The following DNAH14 variants were observed in gnomAD, a reference collection of about 807,000 sequenced individuals.
The protein encoded by DNAH14 is dynein axonemal heavy chain 14, also known as axonemal beta dynein heavy chain 14.
In DNAH14, 478 loss-of-function variants were observed where a neutral mutation model predicts 520.9. The observed-to-expected ratio is 0.92, with a 90% CI of 0.85 to 0.99. DNAH14 has a LOEUF of 0.99. Among genes scored for constraint, DNAH14 ranks in the 50% least tolerant of loss-of-function variants. DNAH14 has a pLI of 0.00. For synonymous variants in DNAH14, 1,581 were observed against 1,757.2 expected (o/e 0.90, Z 2.51); for missense variants, 4,831 against 5,234.5 (o/e 0.92, Z 2.38).
At chr1:224,979,238 G>GA (rs1274600472) in intron 8 of DNAH14, among the ~76,000 whole-genome samples, 12 of 152,166 alleles carry the variant, frequency 7.9e-5, no homozygotes, top group Admixed American at 7.9e-4. Context: ...AAGAGGGAAG[G>GA]AAACAGTCTT....
At chr1:225,138,105 C>T (rs1423008052) in intron 27 of DNAH14, among the ~76,000 whole-genome samples, 1 of 152,132 alleles carries the variant, frequency 6.6e-6, no homozygotes, top group Non-Finnish European at 1.5e-5. Flanking sequence ...AGCTGCCCCT[C>T]CCCCTGGGAG....
At chr1:224,964,390 T>C (rs768852624) in intron 4 of DNAH14, 89 bp from the exon 5 acceptor site, 49 of 1,322,460 alleles carry the variant, frequency 3.7e-5, no homozygotes, top group Non-Finnish European at 4.7e-5. Context: ...AATTTTTCTC[T>C]ATATAGAAAT....
chr1:225,246,105 CAAAAAAAAAAAA>C (rs140007042), intron 43 of DNAH14, among the ~76,000 whole-genome samples: 1 of 77,728 alleles, frequency 1.3e-5, no homozygotes, highest in African/African-American at 4.8e-5. Flanking sequence ...ACAAACCTGG[CAAAAAAAAAAAA>C]AAAAAAAGGA....
In DNAH14 at chr1:224,952,739, A is replaced by G. The variant is rs752289528; in HGVS notation, c.37A>G (p.Asn13Asp). 1 of 1,604,376 alleles carries G rather than the reference A, an allele frequency of 6.2e-7. No individual in the cohort carries two copies. The highest frequency in any genetic ancestry group is 1.1e-5 in the South Asian group (1 of 89,172). ...TFIPIDLTTE[N>D]QEMDKEETKT... Reference sequence around the variant, plus strand: ...TATACCCATTGATTTGACAACTGAAAATCAAGAGATGGACAAGGAGGAAAC... The same window carrying G: ...TATACCCATTGATTTGACAACTGAAGATCAAGAGATGGACAAGGAGGAAAC... Residue 13 changes from asparagine to aspartate, a missense_variant, in exon 2 of 86, where the codon AAT (asparagine) becomes GAT (aspartate). By Grantham distance (23) the Asn-to-Asp change is conservative. Coordinates refer to ENST00000682510, the MANE Select transcript of DNAH14 (RefSeq NM_001367479.1).
intron 39 of DNAH14, among the ~76,000 whole-genome samples, chr1:225,205,088 A>G (rs184887374): frequency 6.6e-6 from 1 of 152,234 alleles, no homozygotes. Flanking sequence ...TGACCTATTC[A>G]TACCTCCCCT....
At chr1:225,334,379 T>C (rs986045398) in intron 66 of DNAH14, among the ~76,000 whole-genome samples, 4 of 152,132 alleles carry the variant, frequency 2.6e-5, no homozygotes, top group Non-Finnish European at 4.4e-5. Flanking sequence ...ATCCTAAGCC[T>C]AAGCCACTTG....
chr1:224,943,841 T>G (rs938613428), intron 1 of DNAH14, among the ~76,000 whole-genome samples: 1 of 152,224 alleles, frequency 6.6e-6, no homozygotes, highest in Non-Finnish European at 1.5e-5. Context: ...CTAGTTTGAT[T>G]GCACTGTGGT....
intron 21 of DNAH14, among the ~76,000 whole-genome samples, chr1:225,089,442 CAAA>C (rs1169182387): frequency 3.2e-3 from 95 of 29,906 alleles, no homozygotes; most frequent in African/African-American, 0.011. Flanking sequence ...AAAACTCCGT[CAAA>C]AAAAAAAAAA....
At chr1:225,283,382 A>G (rs1226412697) in intron 54 of DNAH14, among the ~76,000 whole-genome samples, 1 of 151,932 alleles carries the variant, frequency 6.6e-6, no homozygotes, top group African/African-American at 2.4e-5. Context: ...TGGAGTGGGT[A>G]TACTAATATC....
chr1:225,193,822 T>A (rs149113120), intron 38 of DNAH14, among the ~76,000 whole-genome samples: 1 of 152,048 alleles, frequency 6.6e-6, no homozygotes, highest in Non-Finnish European at 1.5e-5. Flanking sequence ...GCCCAAAACC[T>A]CCAAATCTCG....
chr1:225,332,259 G>C (rs547547138), intron 65 of DNAH14, among the ~76,000 whole-genome samples: 2 of 152,196 alleles, frequency 1.3e-5, no homozygotes, highest in Admixed American at 1.3e-4. Context: ...TATCATAGAA[G>C]GTCAAGAGGA....
chr1:225,291,604 C>A (rs954651864), intron 55 of DNAH14, among the ~76,000 whole-genome samples: 1 of 151,986 alleles, frequency 6.6e-6, no homozygotes, highest in Non-Finnish European at 1.5e-5. Flanking sequence ...GAGGCGGGGT[C>A]TCACTGTGTT....
At chr1:225,176,678 T>C (rs1374186119) in intron 36 of DNAH14, among the ~76,000 whole-genome samples, 1 of 152,136 alleles carries the variant, frequency 6.6e-6, no homozygotes, top group Non-Finnish European at 1.5e-5. Flanking sequence ...GTAAGTCTCA[T>C]GGGATCTGAT....
intron 71 of DNAH14, among the ~76,000 whole-genome samples, chr1:225,348,377 C>G (rs1461370770): frequency 1.3e-5 from 2 of 152,022 alleles, no homozygotes; most frequent in East Asian, 3.9e-4. Flanking sequence ...TTCAAGAGTT[C>G]AAAGAACTCC....
intron 42 of DNAH14, among the ~76,000 whole-genome samples, chr1:225,233,350 A>G (rs1355751168): frequency 6.6e-6 from 1 of 152,138 alleles, no homozygotes; most frequent in Non-Finnish European, 1.5e-5. Flanking sequence ...GTCAAATGGT[A>G]TTTCTGCCTC....
At chr1:225,196,488 A>T (rs1261471847) in intron 38 of DNAH14, among the ~76,000 whole-genome samples, 1 of 152,094 alleles carries the variant, frequency 6.6e-6, no homozygotes, top group East Asian at 1.9e-4. Context: ...GTGTGTGCAA[A>T]TACCTTTTTC....
Position 225,080,461 on chromosome 1 carries a change from C to T in DNAH14, c.2849C>T (p.Ala950Val), listed in dbSNP as rs369341655. 3.0e-5 allele frequency: 46 copies of T among 1,551,596 alleles called. No homozygotes were observed. The African/African-American group carries it at 3.6e-4, about 12-fold the overall frequency. ...ATCCAGACTCTCTCAGGGGAAGCTGCAAGTTTAACTAACAAAGCTAAAGCA... is the reference window on the plus strand; with the variant it reads ...ATCCAGACTCTCTCAGGGGAAGCTGTAAGTTTAACTAACAAAGCTAAAGCA... ...EMIQTLSGEA[A>V]SLTNKAKAYS... is the part of the protein sequence containing the mutation. Residue 950 changes from alanine to valine, a missense_variant, in exon 19 of 86, where the codon GCA (alanine) becomes GTA (valine). Physicochemically the swap from Ala to Val is moderately conservative, Grantham distance 64 (BLOSUM62 0). Transcript: ENST00000682510.
chr1:225,359,684 A>G (rs185457590), intron 74 of DNAH14, among the ~76,000 whole-genome samples: 37 of 152,330 alleles, frequency 2.4e-4, no homozygotes, highest in African/African-American at 8.4e-4. Flanking sequence ...CACTCATAGT[A>G]GGTACTATCC....
intron 8 of DNAH14, among the ~76,000 whole-genome samples, chr1:224,996,721 C>G (rs769609187): frequency 3.9e-5 from 6 of 152,110 alleles, no homozygotes; most frequent in Admixed American, 6.6e-5. Context: ...AACATATATT[C>G]CCCTGGCCTA....
Sources: gnomAD v4.1 joint callset for allele counts (sites outside exome capture counted in the v4.1 genomes callset) on GRCh38, gnomAD v4.1.1 for gene constraint, MANE v1.5 for transcripts, NCBI Gene and HGNC (gene_info 2026-07-23, HGNC 2026-07-21) for gene names.